TBL1XR1: variants seen among roughly 807,000 people sequenced by gnomAD.
The protein encoded by TBL1XR1 is F-box-like/WD repeat-containing protein TBL1XR1.
TBL1XR1 carries 5 observed loss-of-function variants against 66.9 expected under a neutral mutation model. That is an observed-to-expected ratio of 0.07 (90% CI 0.04 to 0.16). The LOEUF is 0.16. Ranked by LOEUF, TBL1XR1 falls within the 10% of genes least tolerant of loss-of-function variation. TBL1XR1 has a pLI of 1.00. For missense variants in TBL1XR1, 238 were observed against 623.2 expected, an observed-to-expected ratio of 0.38 and a Z score of 6.58; for synonymous variants, 210 against 206.0, an observed-to-expected ratio of 1.02 and a Z score of -0.17.
chr3:177,163,112 T>C (rs1277934369), intron 1 of TBL1XR1, among the ~76,000 whole-genome samples: 1 of 152,188 alleles, frequency 6.6e-6, no homozygotes, highest in Admixed American at 6.5e-5. Flanking sequence ...TCACTCAACA[T>C]TGCCACAGCC....
At chr3:177,143,382 C>CA (rs543566037) in intron 1 of TBL1XR1, among the ~76,000 whole-genome samples, 36 of 140,582 alleles carry the variant, frequency 2.6e-4, no homozygotes, top group South Asian at 2.3e-3. Flanking sequence ...ATCTACAAGT[C>CA]AAAAAAAAAA....
In TBL1XR1 at chr3:177,098,553, G is replaced by A. The variant is rs1452299080; in HGVS notation, c.-121-12C>T. 1.0e-6 allele frequency: 1 copy of A among 985,436 alleles called. No individual in the cohort carries two copies. Among genetic ancestry groups the A allele is most frequent in the Non-Finnish European group, 1.2e-6 (1 of 829,668 alleles). 61.0% of individuals were successfully genotyped at this position (985,436 alleles called of 1,614,324 possible). On this transcript the variant is annotated splice_polypyrimidine_tract_variant and intron_variant, in intron 1 of 15. Transcript: ENST00000457928. ...TGCTGTTGTTGATGCTGAGGAAAAGGAAAGTAAAGTATTCAATGTGCCCTA... is the reference window on the plus strand; with the variant it reads ...TGCTGTTGTTGATGCTGAGGAAAAGAAAAGTAAAGTATTCAATGTGCCCTA...
chr3:177,026,337 C>T (rs1713122899), intron 15 of TBL1XR1, 36 bp downstream of exon 15: 2 of 1,530,914 alleles, frequency 1.3e-6, no homozygotes, highest in Admixed American at 1.7e-5. Flanking sequence ...TGAATACCCA[C>T]CCACACCCTC....
In TBL1XR1 at chr3:177,023,341, T is replaced by C. The variant is rs1712638522; in HGVS notation, c.*2157A>G. On this transcript the variant is annotated 3_prime_UTR_variant, in exon 16 of 16. Coordinates refer to ENST00000457928, the MANE Select transcript of TBL1XR1 (RefSeq NM_024665.7). ...CAGATTTTTTTAATTTTTATTTATTTTTTTTAAACAATAACAGAGGTCAAC... is the reference window on the plus strand; with the variant it reads ...CAGATTTTTTTAATTTTTATTTATTCTTTTTAAACAATAACAGAGGTCAAC... The C allele has an allele frequency of 6.6e-6, 1 of 152,668 alleles. No individual in the cohort carries two copies. Among genetic ancestry groups the C allele is most frequent in the South Asian group, 2.1e-4 (1 of 4,828 alleles). The allele number at this position is 152,668 out of a possible 1,614,324, so 9.5% of individuals were successfully genotyped here.
intron 1 of TBL1XR1, among the ~76,000 whole-genome samples, chr3:177,146,003 G>C (rs1577306010): frequency 6.6e-6 from 1 of 152,202 alleles, no homozygotes; most frequent in Non-Finnish European, 1.5e-5. Flanking sequence ...TGCAAGGATT[G>C]CAATTCCTAG....
Position 177,019,404 on chromosome 3 carries a change from A to AT in TBL1XR1, c.*6093dup, listed in dbSNP as rs1376890505. ...TTAATATATTTTAAATTGTAAAGAA[A>AT]TTACAAGGAACTCCTAAAAAAATTT... On this transcript the variant is annotated 3_prime_UTR_variant, in exon 16 of 16. Coordinates refer to ENST00000457928, the MANE Select transcript of TBL1XR1 (RefSeq NM_024665.7). 8.5e-5 allele frequency: 13 copies of AT among 152,288 alleles called. No individual in the cohort carries two copies. Among genetic ancestry groups the AT allele is most frequent in the African/African-American group, 3.1e-4 (13 of 41,554 alleles). 9.4% of individuals were successfully genotyped at this position (152,288 alleles called of 1,614,324 possible). A position where few individuals can be genotyped will look rare whatever the true frequency, so the allele number is the denominator to read the frequency against.
chr3:177,052,602 G>GA (rs1444032042), intron 4 of TBL1XR1, among the ~76,000 whole-genome samples: 1 of 152,140 alleles, frequency 6.6e-6, no homozygotes. Flanking sequence ...CACATTTTAA[G>GA]AAAAAATTTA....
intron 3 of TBL1XR1, among the ~76,000 whole-genome samples, chr3:177,064,432 A>T (rs1718899362): frequency 6.6e-6 from 1 of 152,168 alleles, no homozygotes; most frequent in South Asian, 2.1e-4. Flanking sequence ...ATGGCTTTCA[A>T]TGATTTCTAT....
At chr3:177,125,101 T>C (rs1388965722) in intron 1 of TBL1XR1, among the ~76,000 whole-genome samples, 1 of 152,000 alleles carries the variant, frequency 6.6e-6, no homozygotes, top group Non-Finnish European at 1.5e-5. Context: ...AACATTTTCA[T>C]TTCAAAAGAC....
chr3:177,028,503 G>A (rs1905500), intron 14 of TBL1XR1, among the ~76,000 whole-genome samples: 97,794 of 151,970 alleles, frequency 0.64, 31,838 homozygotes, highest in African/African-American at 0.75. Flanking sequence ...TAAAAGGAAT[G>A]TATTTTTTAA....
At chr3:177,152,078 G>A (rs968179187) in intron 1 of TBL1XR1, among the ~76,000 whole-genome samples, 2 of 152,156 alleles carry the variant, frequency 1.3e-5, no homozygotes, top group Non-Finnish European at 2.9e-5. Flanking sequence ...TGATTCAAAT[G>A]GGTAACAGTA....
Position 177,187,943 on chromosome 3 carries a change from C to CTTTTTTTTTTTTTTTT in TBL1XR1, c.-122+9162_-122+9177dup, listed in dbSNP as rs571361204. 1.9e-4 allele frequency among the ~76,000 whole-genome samples: 15 copies of CTTTTTTTTTTTTTTTT among 77,838 alleles called. 4 individuals are homozygous for CTTTTTTTTTTTTTTTT. The highest frequency in any genetic ancestry group is 9.3e-4 in the African/African-American group (14 of 15,096). 51.1% of individuals were successfully genotyped at this position (77,838 alleles called of 152,430 possible). A position where few individuals can be genotyped will look rare whatever the true frequency, so the allele number is the denominator to read the frequency against. On this transcript the variant is annotated intron_variant, in intron 1 of 15. Transcript: ENST00000457928. ...GCTTGAGAGTCCAGAGTACAATTTC[C>CTTTTTTTTTTTTTTTT]TTTTTTTTTTTTTTTTTTTTTTTTG...
intron 2 of TBL1XR1, among the ~76,000 whole-genome samples, chr3:177,092,193 T>C (rs1190382036): frequency 6.6e-6 from 1 of 152,176 alleles, no homozygotes; most frequent in East Asian, 1.9e-4. Context: ...ATTTCAGATG[T>C]TGGAGCATTT....
At chr3:177,056,523 G>A (rs140695464) in intron 3 of TBL1XR1, among the ~76,000 whole-genome samples, 29 of 152,082 alleles carry the variant, frequency 1.9e-4, no homozygotes, top group African/African-American at 2.9e-4. Context: ...CATTGTTTTG[G>A]CACTTCTCAC....
chr3:177,098,357 C>T (rs1262527691), intron 2 of TBL1XR1, 109 bp downstream of exon 2: 3 of 452,218 alleles, frequency 6.6e-6, no homozygotes, highest in Admixed American at 6.4e-5. Context: ...ACTTACTTAG[C>T]TTGGGAACAC....
chr3:177,147,773 T>C (rs773587867), intron 1 of TBL1XR1, among the ~76,000 whole-genome samples: 2 of 152,218 alleles, frequency 1.3e-5, no homozygotes, highest in Non-Finnish European at 2.9e-5. Context: ...TCAAGTTCCA[T>C]GGCCATTCCT....
chr3:177,108,877 C>G (rs564037897), intron 1 of TBL1XR1, among the ~76,000 whole-genome samples: 5 of 152,272 alleles, frequency 3.3e-5, no homozygotes, highest in Non-Finnish European at 7.4e-5. Context: ...ACAGAAAACA[C>G]TGGCCATAAG....
chr3:177,113,701 TG>T (rs2108733186), intron 1 of TBL1XR1, among the ~76,000 whole-genome samples: 1 of 152,110 alleles, frequency 6.6e-6, no homozygotes, highest in African/African-American at 2.4e-5. Flanking sequence ...AATAAATAAA[TG>T]GCAAAAGACC....
At chr3:177,161,116 G>A (rs1577348344) in intron 1 of TBL1XR1, 1 of 152,254 alleles carries the variant, frequency 6.6e-6, no homozygotes, top group East Asian at 1.9e-4. Flanking sequence ...ACCTAGGTTT[G>A]TTGTGTTTCC....
Sources: gnomAD v4.1 joint callset for allele counts (sites outside exome capture counted in the v4.1 genomes callset) on GRCh38, gnomAD v4.1.1 for gene constraint, MANE v1.5 for transcripts, NCBI Gene and HGNC (gene_info 2026-07-23, HGNC 2026-07-21) for gene names.